JAK2: variants seen among roughly 807,000 people sequenced by gnomAD.
JAK2 encodes Janus kinase 2, also known as tyrosine-protein kinase JAK2.
JAK2 carries 86 observed loss-of-function variants against 139.3 expected under a neutral mutation model. The observed-to-expected ratio is 0.62, with a 90% CI of 0.52 to 0.74. The LOEUF (loss-of-function observed/expected upper bound fraction) is 0.74, where lower values mean the gene tolerates loss of function less well. Ranked by LOEUF, JAK2 falls within the 30% of genes least tolerant of loss-of-function variation. The probability of loss-of-function intolerance (pLI) is 0.00; values close to 1 mark genes in which losing one functional copy is unlikely to be tolerated. For synonymous variants in JAK2, 490 were observed against 437.7 expected (o/e 1.12, Z -1.49); for missense variants, 1,421 against 1,360.3 (o/e 1.04, Z -0.70).
At chr9:5,026,715 G>A (rs1188114592) in intron 3 of JAK2, among the ~76,000 whole-genome samples, 5 of 152,190 alleles carry the variant, frequency 3.3e-5, no homozygotes, top group African/African-American at 1.2e-4. Context: ...GTGCTTGTGT[G>A]TGTACGTGTA....
intron 22 of JAK2, among the ~76,000 whole-genome samples, chr9:5,103,181 A>T (rs1460011285): frequency 6.8e-6 from 1 of 145,986 alleles, no homozygotes; most frequent in African/African-American, 2.6e-5. Flanking sequence ...ATGGGCTCAA[A>T]ATAAAGGGAT....
intron 4 of JAK2, among the ~76,000 whole-genome samples, chr9:5,043,201 A>G (rs935266261): frequency 2.8e-3 from 427 of 152,244 alleles, no homozygotes; most frequent in African/African-American, 1.0e-2. Flanking sequence ...GGTCAGCTTG[A>G]GGCAGTGCCC....
chr9:5,012,879 T>G (rs945888010), intron 2 of JAK2, among the ~76,000 whole-genome samples: 6 of 152,060 alleles, frequency 3.9e-5, no homozygotes, highest in African/African-American at 1.2e-4. Context: ...TGTGGGAGAT[T>G]AGGTTATTGG....
chr9:5,025,831 T>C (rs1326418761), intron 3 of JAK2, among the ~76,000 whole-genome samples: 15 of 152,226 alleles, frequency 9.9e-5, no homozygotes, highest in Admixed American at 9.8e-4. Flanking sequence ...AATCTATTTC[T>C]TTAATGGTTA....
intron 24 of JAK2, 98 bp from the exon 25 acceptor site, chr9:5,126,586 G>C (rs1586848489): frequency 1.1e-6 from 1 of 942,446 alleles, no homozygotes; most frequent in East Asian, 2.5e-5. Flanking sequence ...ACAAGGCATG[G>C]TTATGACATG....
At chr9:4,988,460 C>G (rs1407368685) in intron 2 of JAK2, among the ~76,000 whole-genome samples, 2 of 152,200 alleles carry the variant, frequency 1.3e-5, no homozygotes, top group African/African-American at 4.8e-5. Flanking sequence ...GTTGTAAGGA[C>G]ATAACTACTA....
chr9:5,087,314 C>T (rs1429280312), intron 19 of JAK2, among the ~76,000 whole-genome samples: 1 of 152,182 alleles, frequency 6.6e-6, no homozygotes, highest in East Asian at 1.9e-4. Flanking sequence ...CAGATGCTTA[C>T]AAAACCATCA....
chr9:5,047,033 T>C (rs1202391588), intron 5 of JAK2, among the ~76,000 whole-genome samples: 3 of 152,214 alleles, frequency 2.0e-5, no homozygotes, highest in East Asian at 1.9e-4. Context: ...CTAGGAAGGA[T>C]TGTCTTATCT....
chr9:5,031,754 C>G (rs949966887), intron 4 of JAK2, among the ~76,000 whole-genome samples: 6 of 152,202 alleles, frequency 3.9e-5, no homozygotes, highest in Non-Finnish European at 8.8e-5. Context: ...AAGGTTTCCT[C>G]TTAAAATGAA....
chr9:5,004,914 TTG>T (rs1230988342), intron 2 of JAK2, among the ~76,000 whole-genome samples: 2 of 146,774 alleles, frequency 1.4e-5, no homozygotes, highest in East Asian at 1.9e-4. Context: ...CATTTACATA[TTG>T]TCTTTTTTTT....
intron 3 of JAK2, among the ~76,000 whole-genome samples, chr9:5,029,097 T>G (rs1822973317): frequency 6.6e-6 from 1 of 152,242 alleles, no homozygotes; most frequent in Non-Finnish European, 1.5e-5. Context: ...TATTTCTAGC[T>G]TTTGATTTAA....
intron 6 of JAK2, among the ~76,000 whole-genome samples, chr9:5,051,848 C>A (rs1276704098): frequency 6.6e-6 from 1 of 151,932 alleles, no homozygotes; most frequent in Non-Finnish European, 1.5e-5. Flanking sequence ...GTATTTCTCT[C>A]TTTGGTTTTA....
intron 3 of JAK2, 60 bp downstream of exon 3, chr9:5,022,273 C>G: frequency 8.9e-7 from 1 of 1,125,640 alleles, no homozygotes. Flanking sequence ...TTATGCTATG[C>G]TAATACTAGG....
intron 5 of JAK2, among the ~76,000 whole-genome samples, chr9:5,045,646 C>T (rs755901907): frequency 3.9e-5 from 6 of 152,174 alleles, no homozygotes; most frequent in Non-Finnish European, 7.3e-5. Context: ...CTATGTACCT[C>T]ATACAAATGG....
At chr9:5,025,054 C>T (rs1822694203) in intron 3 of JAK2, among the ~76,000 whole-genome samples, 1 of 152,190 alleles carries the variant, frequency 6.6e-6, no homozygotes, top group Admixed American at 6.5e-5. Context: ...TGGCTGTTTT[C>T]TTGATTCAGC....
intron 3 of JAK2, among the ~76,000 whole-genome samples, chr9:5,023,441 G>A (rs11794708): frequency 0.21 from 32,288 of 152,026 alleles, 4,331 homozygotes; most frequent in South Asian, 0.32. Flanking sequence ...CTCGGGGGGA[G>A]CGTGGGACCC....
chr9:5,115,329 A>G (rs1270996608), intron 22 of JAK2, among the ~76,000 whole-genome samples: 2 of 152,210 alleles, frequency 1.3e-5, no homozygotes, highest in South Asian at 2.1e-4. Context: ...ATCACTGGTC[A>G]TCAGAGAAAT....
intron 22 of JAK2, among the ~76,000 whole-genome samples, chr9:5,104,234 C>G (rs1481827088): frequency 1.3e-5 from 2 of 152,098 alleles, no homozygotes; most frequent in Non-Finnish European, 1.5e-5. Flanking sequence ...AAGGGGATAT[C>G]ACCACCGATC....
At chr9:5,005,843 A>G (rs1486435605) in intron 2 of JAK2, among the ~76,000 whole-genome samples, 1 of 152,172 alleles carries the variant, frequency 6.6e-6, no homozygotes, top group Non-Finnish European at 1.5e-5. Context: ...GTTCTGTTCC[A>G]TTGATCTATA....
Sources: gnomAD v4.1 joint callset for allele counts (sites outside exome capture counted in the v4.1 genomes callset) on GRCh38, gnomAD v4.1.1 for gene constraint, MANE v1.5 for transcripts, NCBI Gene and HGNC (gene_info 2026-07-23, HGNC 2026-07-21) for gene names.